The following KL variants were observed in gnomAD, a reference collection of about 807,000 sequenced individuals.
The protein encoded by KL is klotho, also known as alpha-klotho.
Under a neutral mutation model 84.2 loss-of-function variants are expected in KL, and 62 were observed. That is an observed-to-expected ratio of 0.74 (90% CI 0.60 to 0.91). The LOEUF is 0.91. KL is among the 40% of genes least tolerant of loss of function. The pLI, the probability that KL is intolerant of heterozygous loss-of-function variation, is 0.00. For synonymous variants in KL, 528 were observed against 528.0 expected (o/e 1.00, Z 0.00); for missense variants, 1,261 against 1,305.7 (o/e 0.97, Z 0.53).
chr13:33,035,178 A>G (rs758176876), intron 1 of KL, among the ~76,000 whole-genome samples: 3 of 152,200 alleles, frequency 2.0e-5, no homozygotes, highest in African/African-American at 4.8e-5. Context: ...ATCCTGTTCA[A>G]TGATGTAGAA....
intron 1 of KL, among the ~76,000 whole-genome samples, chr13:33,025,481 G>A (rs1386758202): frequency 6.6e-6 from 1 of 152,174 alleles, no homozygotes; most frequent in Non-Finnish European, 1.5e-5. Flanking sequence ...AGTGAGAAGG[G>A]CATTGTGCCT....
intron 1 of KL, among the ~76,000 whole-genome samples, chr13:33,044,785 G>A (rs1871468603): frequency 6.6e-6 from 1 of 151,142 alleles, no homozygotes; most frequent in Non-Finnish European, 1.5e-5. Context: ...CAAGTAGCTG[G>A]GACTATGGGT....
intron 3 of KL, 48 bp downstream of exon 3, chr13:33,055,363 C>T (rs1426382723): frequency 1.2e-6 from 2 of 1,611,686 alleles, no homozygotes; most frequent in Admixed American, 1.7e-5. Flanking sequence ...AGCCCTATCA[C>T]TAGTAAGTAG....
intron 1 of KL, among the ~76,000 whole-genome samples, chr13:33,024,390 T>A (rs1016431536): frequency 2.0e-5 from 3 of 152,138 alleles, no homozygotes; most frequent in Admixed American, 6.5e-5. Flanking sequence ...AGTCGACCTA[T>A]CTCCCCAGCG....
At chr13:33,023,087 C>T (rs550559078) in intron 1 of KL, among the ~76,000 whole-genome samples, 10 of 152,282 alleles carry the variant, frequency 6.6e-5, no homozygotes, top group African/African-American at 2.2e-4. Context: ...AAGTGCCTGA[C>T]CTGGAAGCTG....
chr13:33,029,934 T>G (rs1870914931), intron 1 of KL, among the ~76,000 whole-genome samples: 1 of 111,684 alleles, frequency 9.0e-6, no homozygotes, highest in African/African-American at 2.9e-5. Flanking sequence ...CGCCTGGCCC[T>G]ATTTTTTTTT....
In KL at chr13:33,066,040, T is replaced by C. The variant is rs1356878160; in HGVS notation, c.*1854T>C. 1 of 175,642 alleles carries C rather than the reference T, an allele frequency of 5.7e-6. No homozygotes were observed. Among genetic ancestry groups the C allele is most frequent in the Admixed American group, 6.3e-5 (1 of 15,792 alleles). The allele number at this position is 175,642 out of a possible 1,614,324, so 10.9% of individuals were successfully genotyped here. A position where few individuals can be genotyped will look rare whatever the true frequency, so the allele number is the denominator to read the frequency against. ...TTTAAAAATAATTTTGTTGCTACAT[T>C]TACTTTAATTTCCTTGACTGTAAAG... On this transcript the variant is annotated 3_prime_UTR_variant, in exon 5 of 5. Transcript: ENST00000380099.
intron 3 of KL, among the ~76,000 whole-genome samples, chr13:33,056,569 G>T (rs1203615943): frequency 6.6e-6 from 1 of 151,822 alleles, no homozygotes; most frequent in East Asian, 1.9e-4. Flanking sequence ...GCCGAGGCGG[G>T]CGGATCATGA....
chr13:33,044,930 C>A lies in KL; in HGVS notation c.820-8837C>A, dbSNP rs1871473107. 2.0e-5 allele frequency among the ~76,000 whole-genome samples: 3 copies of A among 152,098 alleles called. No homozygotes were observed. In the South Asian group the frequency reaches 6.2e-4, roughly 31 times the overall value. On this transcript the variant is annotated intron_variant, in intron 1 of 4. Coordinates refer to ENST00000380099, the MANE Select transcript of KL (RefSeq NM_004795.4). ...ATCTTAGGATTTCTACACAGACAAT[C>A]ATGTTTTTAATGAACAACAAAGTTT...
At position 33,061,148 on chromosome 13, in the gene KL, C is replaced by T. The variant is rs146275953; in HGVS notation, c.2069C>T (p.Pro690Leu). The change falls in exon 4 of 5, where the codon CCG becomes CTG. Residue 690 changes from proline (P) to leucine (L), a missense_variant. By Grantham distance (98) the Pro-to-Leu change is moderately conservative. Coordinates refer to ENST00000380099, the MANE Select transcript of KL (RefSeq NM_004795.4). ...AAGCTTTGGATAACGATGAATGAGC[C>T]GTATACAAGGAATATGACATACAGT... ...HVKLWITMNE[P>L]YTRNMTYSAG... is the part of the protein sequence containing the mutation. 1.5e-4 allele frequency: 245 copies of T among 1,614,206 alleles called. No individual in the cohort carries two copies. The highest frequency in any genetic ancestry group is 1.3e-3 in the Middle Eastern group (8 of 6,062).
chr13:33,051,675 A>G (rs909584562), intron 1 of KL, among the ~76,000 whole-genome samples: 1 of 152,212 alleles, frequency 6.6e-6, no homozygotes, highest in Non-Finnish European at 1.5e-5. Context: ...CCTCAAGGTT[A>G]GAAGAGTGGT....
chr13:33,054,151 G>C lies in KL; in HGVS notation c.1204G>C (p.Asp402His). 1.2e-6 allele frequency: 2 copies of C among 1,613,820 alleles called. No individual in the cohort carries two copies. The highest frequency in any genetic ancestry group is 2.2e-5 in the South Asian group (2 of 91,048). The change falls in exon 2 of 5, where the codon GAC becomes CAC. Residue 402 changes from aspartate (D) to histidine (H), a missense_variant. By Grantham distance (81) the Asp-to-His change is moderately conservative. Transcript: ENST00000380099. Reference sequence around the variant, plus strand: ...CCTGAGGCAACTGCTTTCCTGGATTGACCTTGAATTTAACCATCCTCAAAT... The same window carrying C: ...CCTGAGGCAACTGCTTTCCTGGATTCACCTTGAATTTAACCATCCTCAAAT... ...PNLRQLLSWI[D>H]LEFNHPQIFI...
intron 1 of KL, among the ~76,000 whole-genome samples, chr13:33,030,099 A>G (rs891408641): frequency 1.3e-5 from 2 of 152,236 alleles, no homozygotes; most frequent in African/African-American, 2.4e-5. Context: ...ATCCTTTTAC[A>G]AGGAACCCAT....
chr13:33,061,320 G>A lies in KL; in HGVS notation c.2241G>A (p.Glu747=). Residue 747 remains glutamate, a synonymous_variant, in exon 4 of 5, where the codon GAG becomes GAA. Transcript: ENST00000380099. ...PACPFSQKDK[E]VAERVLEFDI... ...GCCCTTTCTCCCAAAAGGACAAAGA[G>A]GTGGCTGAGAGAGTTTTGGAATTTG... 1 of 1,614,230 alleles carries A rather than the reference G, an allele frequency of 6.2e-7. No individual in the cohort carries two copies. The highest frequency in any genetic ancestry group is 8.5e-7 in the Non-Finnish European group (1 of 1,180,046).
intron 3 of KL, among the ~76,000 whole-genome samples, chr13:33,056,620 C>T (rs1871966607): frequency 7.1e-6 from 1 of 140,456 alleles, no homozygotes; most frequent in African/African-American, 2.7e-5. Context: ...ACGGTGAAAC[C>T]CCGTCTCTAC....
In KL at chr13:33,065,463, T is replaced by A. The variant is rs1221258825; in HGVS notation, c.*1277T>A. 1 of 193,632 alleles carries A rather than the reference T, an allele frequency of 5.2e-6. No homozygotes were observed. 12.0% of individuals were successfully genotyped at this position (193,632 alleles called of 1,614,324 possible). ...GTCTCTCTATTACACTGGAGCTGTTTTATAGATAAGTCAATATTGTATCAG... is the reference window on the plus strand; with the variant it reads ...GTCTCTCTATTACACTGGAGCTGTTATATAGATAAGTCAATATTGTATCAG... On this transcript the variant is annotated 3_prime_UTR_variant, in exon 5 of 5. Transcript: ENST00000380099.
At chr13:33,030,523 G>A (rs1002694285) in intron 1 of KL, among the ~76,000 whole-genome samples, 1 of 152,110 alleles carries the variant, frequency 6.6e-6, no homozygotes, top group Non-Finnish European at 1.5e-5. Context: ...GATGGCTGTT[G>A]CATGATCATA....
chr13:33,031,577 C>T (rs1397667471), intron 1 of KL, among the ~76,000 whole-genome samples: 1 of 152,104 alleles, frequency 6.6e-6, no homozygotes, highest in Non-Finnish European at 1.5e-5. Context: ...TAGGAATCTT[C>T]ATGTAAATAC....
At chr13:33,032,364 A>C (rs1376933208) in intron 1 of KL, among the ~76,000 whole-genome samples, 1 of 152,190 alleles carries the variant, frequency 6.6e-6, no homozygotes, top group Non-Finnish European at 1.5e-5. Flanking sequence ...TCACCCACGC[A>C]GTTTTTCTCT....
Sources: allele counts gnomAD v4.1 joint callset (sites outside exome capture counted in the v4.1 genomes callset), GRCh38; gene constraint gnomAD v4.1.1; transcripts MANE v1.5; gene names NCBI Gene and HGNC (gene_info 2026-07-23, HGNC 2026-07-21).